Variants in TTF2 observed in about 807,000 individuals in gnomAD.
TTF2 encodes the protein transcription termination factor 2.
Under a neutral mutation model 142.4 loss-of-function variants are expected in TTF2, and 108 were observed. The observed-to-expected ratio is 0.76, with a 90% CI of 0.65 to 0.89. TTF2 has a LOEUF of 0.89. TTF2 is among the 40% of genes least tolerant of loss of function. TTF2 has a pLI of 0.00. For missense variants in TTF2, 1,327 were observed against 1,379.8 expected (o/e 0.96, Z 0.61); for synonymous variants, 483 against 506.2 (o/e 0.95, Z 0.61).
At chr1:117,081,645 C>T (rs1279817209) in intron 9 of TTF2, among the ~76,000 whole-genome samples, 183 bp from the exon 10 acceptor site, 1 of 152,120 alleles carries the variant, frequency 6.6e-6, no homozygotes, top group Non-Finnish European at 1.5e-5. Flanking sequence ...AAGTAAAGAG[C>T]AAGTGCTAGG....
Position 117,097,492 on chromosome 1 carries a change from C to T in TTF2, c.3269+59C>T. On this transcript the variant is annotated intron_variant, in intron 21 of 22. Transcript: ENST00000369466. This position sits in a 1 kb window ranked among gnomAD's most constrained non-coding sequence, Gnocchi z 4.1. ...GCACATCAAGGAGGCCAGTGGGCTACAGGGGCAGCAAGAACTGACTTCTTA... is the reference window on the plus strand; with the variant it reads ...GCACATCAAGGAGGCCAGTGGGCTATAGGGGCAGCAAGAACTGACTTCTTA... The T allele has an allele frequency of 6.7e-7, 1 of 1,496,282 alleles. No individual in the cohort carries two copies. The highest frequency in any genetic ancestry group is 9.3e-7 in the Non-Finnish European group (1 of 1,072,712). The allele number at this position is 1,496,282 out of a possible 1,614,324, so 92.7% of individuals were successfully genotyped here. A position where few individuals can be genotyped will look rare whatever the true frequency, so the allele number is the denominator to read the frequency against.
rs2101133729 is a variant in TTF2 at position 117,090,807 on chromosome 1, T to A, written c.2588+184T>A. 6.6e-6 allele frequency among the ~76,000 whole-genome samples: 1 copy of A among 152,210 alleles called. No homozygotes were observed. ...CCCTCCCCAGCTTACCTCTGTCTCA[T>A]ACACACATGGAAGGCAAAATTTTGA... On this transcript the variant is annotated intron_variant, in intron 15 of 22. Coordinates refer to ENST00000369466, the MANE Select transcript of TTF2 (RefSeq NM_003594.4). The surrounding 1 kb of genome is among the most constrained non-coding windows in gnomAD (Gnocchi z 4.8).
At position 117,100,187 on chromosome 1, in the gene TTF2, A is replaced by G. The variant is rs1278305854; in HGVS notation, c.3345-1193A>G. Among the ~76,000 whole-genome samples the G allele has an allele frequency of 2.0e-5, 3 of 152,172 alleles. No individual in the cohort carries two copies. Among genetic ancestry groups the G allele is most frequent in the African/African-American group, 4.8e-5 (2 of 41,430 alleles). ...AAATAGAAATTGATTTTCTCTTCCT[A>G]TTATCTCAAATCTGCTATTCTTCTG... On this transcript the variant is annotated intron_variant, in intron 22 of 22. Coordinates refer to ENST00000369466, the MANE Select transcript of TTF2 (RefSeq NM_003594.4). This position sits in a 1 kb window ranked among gnomAD's most constrained non-coding sequence, Gnocchi z 4.6.
In TTF2 at chr1:117,100,686, C is replaced by G. The variant is rs913723461; in HGVS notation, c.3345-694C>G. 2.6e-5 allele frequency among the ~76,000 whole-genome samples: 4 copies of G among 152,138 alleles called. No individual in the cohort carries two copies. The highest frequency in any genetic ancestry group is 5.9e-5 in the Non-Finnish European group (4 of 68,036). ...CTCCTCACTGCTCTTTCTGGCAAAC[C>G]CTTGCCCAACATACAAGTCTCATAT... On this transcript the variant is annotated intron_variant, in intron 22 of 22. Transcript: ENST00000369466. This position sits in a 1 kb window ranked among gnomAD's most constrained non-coding sequence, Gnocchi z 4.6.
chr1:117,072,957 A>G (rs571737307), intron 3 of TTF2, among the ~76,000 whole-genome samples: 1 of 152,108 alleles, frequency 6.6e-6, no homozygotes, highest in East Asian at 1.9e-4. Flanking sequence ...TTTTCAGTGG[A>G]CTCATAAATG....
Position 117,092,134 on chromosome 1 carries a change from A to G in TTF2, c.2805+184A>G, listed in dbSNP as rs1272080672. ...GCTTATTTATTTTGCTTTATTTCAT[A>G]TTAATCTTGATAATTCCTATGGCAT... On this transcript the variant is annotated intron_variant, in intron 17 of 22. Coordinates refer to ENST00000369466, the MANE Select transcript of TTF2 (RefSeq NM_003594.4). This position sits in a 1 kb window ranked among gnomAD's most constrained non-coding sequence, Gnocchi z 4.4. Among the ~76,000 whole-genome samples, 2 of 152,184 alleles carry G rather than the reference A, an allele frequency of 1.3e-5. No homozygotes were observed. Among genetic ancestry groups the G allele is most frequent in the Admixed American group, 1.3e-4 (2 of 15,278 alleles).
At position 117,076,518 on chromosome 1, in the gene TTF2, C is replaced by T. The variant is rs886065640; in HGVS notation, c.1391-123C>T. The T allele has an allele frequency of 1.7e-6, 2 of 1,182,944 alleles. No homozygotes were observed. Among genetic ancestry groups the T allele is most frequent in the South Asian group, 3.2e-5 (2 of 61,572 alleles). 73.3% of individuals were successfully genotyped at this position (1,182,944 alleles called of 1,614,324 possible). ...GTTTAAGCAACTGTTAAAATGCTAC[C>T]TTCTCTAGGAATCCTTCATCGGAAT... On this transcript the variant is annotated intron_variant, in intron 6 of 22. Transcript: ENST00000369466. The surrounding 1 kb of genome is among the most constrained non-coding windows in gnomAD (Gnocchi z 4.6).
At chr1:117,077,536 A>C (rs1657116904) in intron 7 of TTF2, among the ~76,000 whole-genome samples, 4 of 152,196 alleles carry the variant, frequency 2.6e-5, no homozygotes. Context: ...ATGAGTCAAG[A>C]CTGATGACTA....
chr1:117,090,335 GC>G lies in TTF2; in HGVS notation c.2496+131del. On this transcript the variant is annotated intron_variant, in intron 14 of 22. Coordinates refer to ENST00000369466, the MANE Select transcript of TTF2 (RefSeq NM_003594.4). This position sits in a 1 kb window ranked among gnomAD's most constrained non-coding sequence, Gnocchi z 4.8. ...GAGTTTCCCATCCTCCTGTGAGGAG[GC>G]CCCAGGGTTGCAGTTCCATGCCTAG... 1 of 1,368,298 alleles carries G rather than the reference GC, an allele frequency of 7.3e-7. No homozygotes were observed. Among genetic ancestry groups the G allele is most frequent in the Non-Finnish European group, 1.0e-6 (1 of 999,354 alleles). 84.8% of individuals were successfully genotyped at this position (1,368,298 alleles called of 1,614,324 possible).
At position 117,076,874 on chromosome 1, in the gene TTF2, C is replaced by T. The variant is rs777131325; in HGVS notation, c.1573+51C>T. 22 of 1,532,844 alleles carry T rather than the reference C, an allele frequency of 1.4e-5. No homozygotes were observed. Among genetic ancestry groups the T allele is most frequent in the East Asian group, 1.1e-4 (5 of 44,176 alleles). The allele number at this position is 1,532,844 out of a possible 1,614,324, so 95.0% of individuals were successfully genotyped here. ...TGTGAATAGCCACCCCTGTGAGTTA[C>T]GTGCCACCCGGTACAGTAGTCACCT... On this transcript the variant is annotated intron_variant, in intron 7 of 22. Coordinates refer to ENST00000369466, the MANE Select transcript of TTF2 (RefSeq NM_003594.4). This position sits in a 1 kb window ranked among gnomAD's most constrained non-coding sequence, Gnocchi z 4.6.
chr1:117,086,567 T>G lies in TTF2; in HGVS notation c.2160+45T>G. On this transcript the variant is annotated intron_variant, in intron 12 of 22. Transcript: ENST00000369466. This position sits in a 1 kb window ranked among gnomAD's most constrained non-coding sequence, Gnocchi z 4.2. ...AGGGAAGTGGAGTTGGAGCCACAGATGGTTTAATGGGAGTCTTTCTCAGCC... is the reference window on the plus strand; with the variant it reads ...AGGGAAGTGGAGTTGGAGCCACAGAGGGTTTAATGGGAGTCTTTCTCAGCC... 1 of 1,414,092 alleles carries G rather than the reference T, an allele frequency of 7.1e-7. No individual in the cohort carries two copies. Among genetic ancestry groups the G allele is most frequent in the Non-Finnish European group, 1.0e-6 (1 of 1,003,896 alleles). 87.6% of individuals were successfully genotyped at this position (1,414,092 alleles called of 1,614,324 possible).
In TTF2 at chr1:117,077,941, T is replaced by G. The variant is rs752229978; in HGVS notation, c.1599T>G (p.His533Gln). Residue 533 changes from histidine (H) to glutamine (Q), a missense_variant, in exon 8 of 23, where the codon CAT becomes CAG. Coordinates refer to ENST00000369466, the MANE Select transcript of TTF2 (RefSeq NM_003594.4). The stretch of plus-strand genomic sequence containing the variant: ...GCCATACAAACCAAGATCACGTTCA[T>G]GCAGTGTGGAAAATCACAAGTGAAG... ...YRGHTNQDHV[H>Q]AVWKITSEAI... is the part of the protein sequence containing the mutation. The G allele has an allele frequency of 3.1e-6, 5 of 1,614,244 alleles. No individual in the cohort carries two copies. Among genetic ancestry groups the G allele is most frequent in the Admixed American group, 3.3e-5 (2 of 60,032 alleles).
In TTF2 at chr1:117,101,243, G is replaced by T; in HGVS notation, c.3345-137G>T. On this transcript the variant is annotated intron_variant, in intron 22 of 22. Coordinates refer to ENST00000369466, the MANE Select transcript of TTF2 (RefSeq NM_003594.4). This position sits in a 1 kb window ranked among gnomAD's most constrained non-coding sequence, Gnocchi z 5.9. ...AGGTTGTTTGGATTCCTCAGACAGG[G>T]TTCTTAACTGGACCTAAGAAGACTT... The T allele has an allele frequency of 3.5e-6, 3 of 858,450 alleles. No individual in the cohort carries two copies. The highest frequency in any genetic ancestry group is 5.1e-6 in the Non-Finnish European group (3 of 586,394). The allele number at this position is 858,450 out of a possible 1,614,324, so 53.2% of individuals were successfully genotyped here. A position where few individuals can be genotyped will look rare whatever the true frequency, so the allele number is the denominator to read the frequency against.
chr1:117,063,234 A>G lies in TTF2; in HGVS notation c.218+761A>G, dbSNP rs1034027956. Among the ~76,000 whole-genome samples the G allele has an allele frequency of 2.0e-5, 3 of 152,148 alleles. No homozygotes were observed. Among genetic ancestry groups the G allele is most frequent in the African/African-American group, 7.2e-5 (3 of 41,440 alleles). ...TTTTATATACCTGAGTACTGTTCAT[A>G]CTTCTATTTTTCTTAATTTAGTTAT... On this transcript the variant is annotated intron_variant, in intron 3 of 22. Transcript: ENST00000369466. This position sits in a 1 kb window ranked among gnomAD's most constrained non-coding sequence, Gnocchi z 4.1.
intron 3 of TTF2, among the ~76,000 whole-genome samples, chr1:117,068,195 A>C (rs1656295915): frequency 6.6e-6 from 1 of 152,244 alleles, no homozygotes; most frequent in Non-Finnish European, 1.5e-5. Context: ...TACAGGGTCA[A>C]AATAAATGGA....
rs747413282 is a variant in TTF2, at chr1:117,075,749, C to G, written c.1165C>G (p.Arg389Gly). 1 of 1,614,204 alleles carries G rather than the reference C, an allele frequency of 6.2e-7. No homozygotes were observed. Among genetic ancestry groups the G allele is most frequent in the Admixed American group, 1.7e-5 (1 of 60,024 alleles). Residue 389 changes from arginine to glycine, a missense_variant, in exon 5 of 23, where the codon CGA becomes GGA. Coordinates refer to ENST00000369466, the MANE Select transcript of TTF2 (RefSeq NM_003594.4). The surrounding 1 kb of genome is among the most constrained non-coding windows in gnomAD (Gnocchi z 4.5). ...GAAGGAAAACCTCCAATTCCCTGAT[C>G]GAAGTGTGCAAAGAAAGGTGTCTCC... is the stretch of plus-strand genomic sequence containing the variant. ...ETKENLQFPD[R>G]SVQRKVSPAS... is the part of the protein sequence containing the mutation.
At chr1:117,094,609 G>A (rs765682409) in intron 18 of TTF2, 2 of 474,162 alleles carry the variant, frequency 4.2e-6, no homozygotes, top group South Asian at 1.5e-5. Flanking sequence ...GCCATAAAGT[G>A]GGTAAAGCTC....
At position 117,093,237 on chromosome 1, in the gene TTF2, T is replaced by G. The variant is rs758066564; in HGVS notation, c.2976+336T>G. 1.3e-5 allele frequency among the ~76,000 whole-genome samples: 2 copies of G among 152,174 alleles called. No individual in the cohort carries two copies. The highest frequency in any genetic ancestry group is 2.9e-5 in the Non-Finnish European group (2 of 68,022). The stretch of plus-strand genomic sequence containing the variant: ...AGTGAGCAATTTGTTTAGAGAAAGC[T>G]TAAAAGGAAAACAAAGGCTTGACTC... On this transcript the variant is annotated intron_variant, in intron 18 of 22. Coordinates refer to ENST00000369466, the MANE Select transcript of TTF2 (RefSeq NM_003594.4). This position sits in a 1 kb window ranked among gnomAD's most constrained non-coding sequence, Gnocchi z 4.5.
Position 117,105,609 on chromosome 1 carries a change from CG to C in TTF2, c.*4088del, listed in dbSNP as rs1649881268. ...TTGGGTGCCTGTAATTGCAGCTACT[CG>C]GGAGGCTGAGGCAGGAGAATCACTT... On this transcript the variant is annotated 3_prime_UTR_variant, in exon 23 of 23. Transcript: ENST00000369466. This position sits in a 1 kb window ranked among gnomAD's most constrained non-coding sequence, Gnocchi z 4.7. 6.6e-6 allele frequency: 1 copy of C among 151,986 alleles called. No homozygotes were observed. The highest frequency in any genetic ancestry group is 2.4e-5 in the African/African-American group (1 of 41,360). The allele number at this position is 151,986 out of a possible 1,614,324, so 9.4% of individuals were successfully genotyped here.
Sources: allele counts gnomAD v4.1 joint callset (sites outside exome capture counted in the v4.1 genomes callset), GRCh38; gene constraint gnomAD v4.1.1; non-coding constraint Gnocchi (gnomAD v3.1); transcripts MANE v1.5; gene names NCBI Gene and HGNC (gene_info 2026-07-23, HGNC 2026-07-21).